Variants in ABCA12 observed in about 807,000 individuals in gnomAD.
The protein encoded by ABCA12 is ATP binding cassette subfamily A member 12.
In ABCA12, 156 loss-of-function variants were observed where a neutral mutation model predicts 293.5. The ratio of observed to expected loss-of-function variants is 0.53; its 90% CI spans 0.47 to 0.61. The LOEUF (loss-of-function observed/expected upper bound fraction) is 0.61, where lower values mean the gene tolerates loss of function less well. Ranked by LOEUF, ABCA12 falls within the 20% of genes least tolerant of loss-of-function variation. The pLI is 0.00. For missense variants in ABCA12, 2,797 were observed against 3,090.2 expected (o/e 0.91, Z 2.25); for synonymous variants, 1,063 against 1,108.0 (o/e 0.96, Z 0.81).
rs375682990 is a variant in ABCA12 at position 215,131,419 on chromosome 2, T to C, written c.69+6721A>G. Among the ~76,000 whole-genome samples, 35 of 152,136 alleles carry C rather than the reference T, an allele frequency of 2.3e-4. No individual in the cohort carries two copies. In the East Asian group the frequency reaches 5.6e-3, roughly 24 times the overall value. ...TTATTGGTTTAATTTCATTACTTGTTATTGGTCTGTTCAGGGTTTCTATTT... is the reference window on the plus strand; with the variant it reads ...TTATTGGTTTAATTTCATTACTTGTCATTGGTCTGTTCAGGGTTTCTATTT... On this transcript the variant is annotated intron_variant, in intron 1 of 52. Coordinates refer to ENST00000272895, the MANE Select transcript of ABCA12 (RefSeq NM_173076.3).
rs779297550 is a variant in ABCA12, at chr2:214,932,773, G to T, written c.7681-32C>A. On this transcript the variant is annotated intron_variant, in intron 52 of 52. Coordinates refer to ENST00000272895, the MANE Select transcript of ABCA12 (RefSeq NM_173076.3). Reference sequence around the variant, plus strand: ...TTTCAGGGAAAATAAAGCCATTAATGCCTGGTAAGCCAAAGGAAAAAATAA... The same window carrying T: ...TTTCAGGGAAAATAAAGCCATTAATTCCTGGTAAGCCAAAGGAAAAAATAA... 5 of 1,475,462 alleles carry T rather than the reference G, an allele frequency of 3.4e-6. No homozygotes were observed. The African/African-American group carries it at 4.2e-5, about 12-fold the overall frequency. 91.4% of individuals were successfully genotyped at this position (1,475,462 alleles called of 1,614,324 possible). A position where few individuals can be genotyped will look rare whatever the true frequency, so the allele number is the denominator to read the frequency against.
At chr2:214,981,965 TATTATTATTATTA>T (rs1559128694) in intron 30 of ABCA12, among the ~76,000 whole-genome samples, 3 of 124,846 alleles carry the variant, frequency 2.4e-5, no homozygotes, top group African/African-American at 9.4e-5. Context: ...TTATTATTAT[TATTATTATTATTA>T]TTATTATTTT....
chr2:214,934,172 G>A lies in ABCA12; in HGVS notation c.7586C>T (p.Ala2529Val). ...ATCAAAAATGTTTGCGACTCCTCCTGCTGTGACTGGTACATGATACTCTAG... is the reference window on the plus strand; with the variant it reads ...ATCAAAAATGTTTGCGACTCCTCCTACTGTGACTGGTACATGATACTCTAG... ...SMLEYHVPVT[A>V]GGVANIFDLL... The change falls in exon 52 of 53, where the codon GCA becomes GTA. Residue 2529 changes from alanine to valine, a missense_variant. Physicochemically the swap from Ala to Val is moderately conservative, Grantham distance 64. This residue lies in a region of ABCA12 where 2,130 missense variants were observed against 2,427.0 expected (regional missense o/e 0.88). Transcript: ENST00000272895. The A allele has an allele frequency of 6.2e-7, 1 of 1,613,754 alleles. No individual in the cohort carries two copies. Among genetic ancestry groups the A allele is most frequent in the Non-Finnish European group, 8.5e-7 (1 of 1,179,772 alleles).
At chr2:215,073,313 C>T (rs1382003327) in intron 2 of ABCA12, among the ~76,000 whole-genome samples, 2 of 152,120 alleles carry the variant, frequency 1.3e-5, no homozygotes, top group Non-Finnish European at 2.9e-5. Flanking sequence ...TATTTTTCCC[C>T]TCTAAATATA....
chr2:215,032,879 G>A (rs1477757598), intron 8 of ABCA12, among the ~76,000 whole-genome samples: 5 of 152,230 alleles, frequency 3.3e-5, no homozygotes, highest in Admixed American at 2.6e-4. Flanking sequence ...GCAACCTAAA[G>A]CCTTCTAAAA....
intron 2 of ABCA12, among the ~76,000 whole-genome samples, chr2:215,109,908 T>C (rs1702536369): frequency 6.6e-6 from 1 of 152,200 alleles, no homozygotes; most frequent in Non-Finnish European, 1.5e-5. Flanking sequence ...CTCCCATCAC[T>C]ATTGTTAGAA....
intron 39 of ABCA12, chr2:214,963,344 AC>A (rs1174768471): frequency 2.1e-4 from 32 of 152,142 alleles, no homozygotes; most frequent in African/African-American, 7.0e-4. Context: ...GGACACATAT[AC>A]CCTCCCAAGA....
At position 214,974,016 on chromosome 2, in the gene ABCA12, T is replaced by C. The variant is rs1054445578; in HGVS notation, c.5495A>G (p.Glu1832Gly). Residue 1832 changes from glutamate (E) to glycine (G), a missense_variant, in exon 36 of 53, where the codon GAA becomes GGA. Glu to Gly is a moderately conservative substitution (Grantham distance 98). Transcript: ENST00000272895. ...GGGTTCTCCACTGGTGTTCCATTTTTCCAGACTGTCTTTGTTTAAACACTG... is the reference window on the plus strand; with the variant it reads ...GGGTTCTCCACTGGTGTTCCATTTTCCCAGACTGTCTTTGTTTAAACACTG... ...DLQCLNKDSLEKWNTSGEPIT... is the reference protein window; with the variant it reads ...DLQCLNKDSLGKWNTSGEPIT... The C allele has an allele frequency of 2.5e-6, 4 of 1,613,900 alleles. No individual in the cohort carries two copies. In the African/African-American group the frequency reaches 5.3e-5, roughly 22 times the overall value.
At chr2:214,979,099 G>T in intron 31 of ABCA12, 59 bp from the exon 32 acceptor site, 2 of 1,475,038 alleles carry the variant, frequency 1.4e-6, no homozygotes, top group Non-Finnish European at 1.9e-6. Flanking sequence ...AGTGCTCCAG[G>T]CCCTAATCAG....
At chr2:215,075,671 G>A (rs943801947) in intron 2 of ABCA12, 14 of 626,328 alleles carry the variant, frequency 2.2e-5, no homozygotes, top group Non-Finnish European at 3.1e-5. Flanking sequence ...TGAAGATTAT[G>A]TTTGGAAATC....
At chr2:214,994,405 G>A (rs574683559) in intron 23 of ABCA12, among the ~76,000 whole-genome samples, 5 of 152,302 alleles carry the variant, frequency 3.3e-5, no homozygotes, top group African/African-American at 1.2e-4. Flanking sequence ...AGTCTGCCCA[G>A]TTTATAGCAG....
Position 215,052,528 on chromosome 2 carries a change from T to C in ABCA12, c.466A>G (p.Asn156Asp), listed in dbSNP as rs762552849. 3.7e-5 allele frequency: 60 copies of C among 1,612,634 alleles called. No individual in the cohort carries two copies. The South Asian group carries it at 6.4e-4, about 17-fold the overall frequency. Residue 156 changes from asparagine to aspartate, a missense_variant, in exon 5 of 53, where the codon AAT (asparagine) becomes GAT (aspartate). Physicochemically the swap from Asn to Asp is conservative, Grantham distance 23. This residue lies in a region of ABCA12 where 656 missense variants were observed against 638.2 expected (regional missense o/e 1.03). Transcript: ENST00000272895. The part of the protein sequence containing the change: ...DLEIPGTYTF[N>D]GSQVLARILG... ...ATTCGTGCGAGCACTTGACTGCCAT[T>C]GAAAGTATATGTTCCGGGGATTTCC...
intron 8 of ABCA12, among the ~76,000 whole-genome samples, chr2:215,035,301 A>G (rs1700968215): frequency 6.6e-6 from 1 of 152,240 alleles, no homozygotes; most frequent in South Asian, 2.1e-4. Flanking sequence ...AGGTAAGTGT[A>G]TCAAATTTTA....
Position 214,970,311 on chromosome 2 carries a change from A to G in ABCA12, c.5652T>C (p.Asn1884=). Residue 1884 remains asparagine (N), a synonymous_variant, in exon 37 of 53, where the codon AAT becomes AAC. Transcript: ENST00000272895. ...IYNLTGQRVE[N]YLISTANEFV... The stretch of plus-strand genomic sequence containing the variant: ...ACTCATTTGCAGTTGATATAAGATA[A>G]TTTTCCACTCGTTGCCCAGTGAGGT... 6.2e-7 allele frequency: 1 copy of G among 1,613,088 alleles called. No homozygotes were observed.
intron 42 of ABCA12, among the ~76,000 whole-genome samples, chr2:214,956,099 A>T (rs1698939858): frequency 6.6e-6 from 1 of 152,236 alleles, no homozygotes; most frequent in African/African-American, 2.4e-5. Context: ...ATCTAGAGAC[A>T]GAGTTCCTGC....
rs759051001 is a variant in ABCA12 at position 215,052,516 on chromosome 2, C to T, written c.478G>A (p.Val160Met). The T allele has an allele frequency of 3.7e-6, 6 of 1,612,544 alleles. No individual in the cohort carries two copies. The highest frequency in any genetic ancestry group is 3.3e-5 in the Admixed American group (2 of 59,912). Residue 160 changes from valine (V) to methionine (M), a missense_variant, in exon 5 of 53, where the codon GTG becomes ATG. By Grantham distance (21) the Val-to-Met change is conservative (BLOSUM62 1). This residue lies in a region of ABCA12 where 656 missense variants were observed against 638.2 expected (regional missense o/e 1.03). Coordinates refer to ENST00000272895, the MANE Select transcript of ABCA12 (RefSeq NM_173076.3). ...PGTYTFNGSQVLARILGLEKL... is the reference protein window; with the variant it reads ...PGTYTFNGSQMLARILGLEKL... ...TCCAAGCCAAGAATTCGTGCGAGCA[C>T]TTGACTGCCATTGAAAGTATATGTT...
At chr2:214,972,115 T>C (rs1188752604) in intron 36 of ABCA12, among the ~76,000 whole-genome samples, 1 of 152,226 alleles carries the variant, frequency 6.6e-6, no homozygotes, top group Non-Finnish European at 1.5e-5. Context: ...GATTTGCAGT[T>C]CTTTATACAC....
chr2:214,995,326 C>A (rs955247927), intron 23 of ABCA12, among the ~76,000 whole-genome samples: 1 of 152,118 alleles, frequency 6.6e-6, no homozygotes, highest in African/African-American at 2.4e-5. Context: ...AGGACTTGGG[C>A]AGCTTTAGAC....
At chr2:214,986,409 A>G (rs1012642885) in intron 28 of ABCA12, 133 bp downstream of exon 28, 3 of 966,570 alleles carry the variant, frequency 3.1e-6, no homozygotes. Context: ...ATAGCATACA[A>G]GTTGAACCAT....
Sources: allele counts gnomAD v4.1 joint callset (sites outside exome capture counted in the v4.1 genomes callset), GRCh38; gene constraint gnomAD v4.1.1; regional missense constraint gnomAD v4.1.1; transcripts MANE v1.5; gene names NCBI Gene and HGNC (gene_info 2026-07-23, HGNC 2026-07-21).